Variants in PPP1R16B observed in about 807,000 individuals in gnomAD.
The protein encoded by PPP1R16B is protein phosphatase 1 regulatory subunit 16B.
PPP1R16B carries 14 observed loss-of-function variants against 61.7 expected under a neutral mutation model. That is an observed-to-expected ratio of 0.23 (90% CI 0.15 to 0.35). PPP1R16B has a LOEUF of 0.35. Among genes scored for constraint, PPP1R16B ranks in the 10% least tolerant of loss-of-function variants. The pLI is 1.00. For synonymous variants in PPP1R16B, 266 were observed against 305.3 expected (o/e 0.87, Z 1.34); for missense variants, 547 against 752.5 (o/e 0.73, Z 3.19).
chr20:38,861,740 A>C (rs1320871387), intron 2 of PPP1R16B, among the ~76,000 whole-genome samples: 1 of 145,018 alleles, frequency 6.9e-6, no homozygotes. Flanking sequence ...GCAGTGGTGC[A>C]ATCTTGGCTC....
chr20:38,884,966 G>T (rs536492062), intron 2 of PPP1R16B, among the ~76,000 whole-genome samples: 42 of 147,082 alleles, frequency 2.9e-4, no homozygotes, highest in Admixed American at 1.2e-3. Context: ...AGGTACTTGG[G>T]AGGCTGAGGC....
At chr20:38,830,056 G>C (rs1601240938) in intron 1 of PPP1R16B, among the ~76,000 whole-genome samples, 1 of 152,224 alleles carries the variant, frequency 6.6e-6, no homozygotes, top group East Asian at 1.9e-4. Flanking sequence ...GAGTAGGGAG[G>C]ACACTGCAGT....
At position 38,907,699 on chromosome 20, in the gene PPP1R16B, C is replaced by T; in HGVS notation, c.899-107C>T. ...GCCTCCCTGCATGCCCTGAAAGATG[C>T]TTGGAGTTTTCAGTGGGTTGGGGTG... On this transcript the variant is annotated intron_variant, in intron 8 of 10. Coordinates refer to ENST00000299824, the MANE Select transcript of PPP1R16B (RefSeq NM_015568.4). This position sits in a 1 kb window ranked among gnomAD's most constrained non-coding sequence, Gnocchi z 4.5. 7.0e-7 allele frequency: 1 copy of T among 1,426,198 alleles called. No homozygotes were observed. Among genetic ancestry groups the T allele is most frequent in the East Asian group, 2.3e-5 (1 of 43,572 alleles). 88.3% of individuals were successfully genotyped at this position (1,426,198 alleles called of 1,614,324 possible). A position where few individuals can be genotyped will look rare whatever the true frequency, so the allele number is the denominator to read the frequency against.
intron 6 of PPP1R16B, among the ~76,000 whole-genome samples, chr20:38,903,478 A>G (rs1168638040): frequency 1.3e-5 from 2 of 151,870 alleles, no homozygotes; most frequent in East Asian, 3.9e-4. Context: ...GGGTTCCCTG[A>G]CTTCAGAGTC....
At chr20:38,832,608 T>C (rs1043582086) in intron 1 of PPP1R16B, among the ~76,000 whole-genome samples, 8 of 152,178 alleles carry the variant, frequency 5.3e-5, no homozygotes, top group Non-Finnish European at 8.8e-5. Flanking sequence ...GGAGAACAGT[T>C]GGGCAGTTTT....
intron 1 of PPP1R16B, among the ~76,000 whole-genome samples, chr20:38,815,419 T>G (rs1171423277): frequency 6.6e-6 from 1 of 152,244 alleles, no homozygotes; most frequent in Non-Finnish European, 1.5e-5. Flanking sequence ...TTCTTGATGA[T>G]GGCTAAGATA....
At chr20:38,852,046 G>C (rs772999554) in intron 2 of PPP1R16B, among the ~76,000 whole-genome samples, 13 of 148,966 alleles carry the variant, frequency 8.7e-5, no homozygotes, top group Non-Finnish European at 1.6e-4. Flanking sequence ...CGGGGACGGC[G>C]GGGGGGGAAG....
rs897824593 is a variant in PPP1R16B at position 38,865,459 on chromosome 20, T to A, written c.251-24136T>A. 1.3e-4 allele frequency among the ~76,000 whole-genome samples: 20 copies of A among 152,104 alleles called. No individual in the cohort carries two copies. The East Asian group carries it at 3.9e-3, about 30-fold the overall frequency. ...TGCCCGCCACCACGGCCGGCTAATT[T>A]TTTTGTATTTTTAGTAGAAATGGGG... On this transcript the variant is annotated intron_variant, in intron 2 of 10. Transcript: ENST00000299824.
In PPP1R16B at chr20:38,907,764, T is replaced by C. The variant is rs1279469929; in HGVS notation, c.899-42T>C. 1 of 1,610,582 alleles carries C rather than the reference T, an allele frequency of 6.2e-7. No individual in the cohort carries two copies. Among genetic ancestry groups the C allele is most frequent in the Admixed American group, 1.7e-5 (1 of 59,924 alleles). On this transcript the variant is annotated intron_variant, in intron 8 of 10. Coordinates refer to ENST00000299824, the MANE Select transcript of PPP1R16B (RefSeq NM_015568.4). The surrounding 1 kb of genome is among the most constrained non-coding windows in gnomAD (Gnocchi z 4.5). Reference sequence around the variant, plus strand: ...CTGGAGCACCCTCTTGCGCCACAGGTCCTGGCCCCGTCCCCCACAACAGAC... The same window carrying C: ...CTGGAGCACCCTCTTGCGCCACAGGCCCTGGCCCCGTCCCCCACAACAGAC...
intron 1 of PPP1R16B, among the ~76,000 whole-genome samples, chr20:38,813,650 G>A (rs1036472324): frequency 2.6e-5 from 4 of 151,886 alleles, no homozygotes; most frequent in Non-Finnish European, 5.9e-5. Flanking sequence ...TAGAGGGACG[G>A]GCACCTTTTT....
At position 38,921,113 on chromosome 20, in the gene PPP1R16B, G is replaced by A. The variant is rs1199141653; in HGVS notation, c.*2447G>A. Reference sequence around the variant, plus strand: ...CTATTCCTCTCCACCCAGAAGGCTGGGAATCCCAGCTGATTCCCTGACAGG... The same window carrying A: ...CTATTCCTCTCCACCCAGAAGGCTGAGAATCCCAGCTGATTCCCTGACAGG... On this transcript the variant is annotated 3_prime_UTR_variant, in exon 11 of 11. Coordinates refer to ENST00000299824, the MANE Select transcript of PPP1R16B (RefSeq NM_015568.4). The A allele has an allele frequency of 6.6e-6, 1 of 152,190 alleles. No homozygotes were observed. Among genetic ancestry groups the A allele is most frequent in the African/African-American group, 2.4e-5 (1 of 41,436 alleles). 9.4% of individuals were successfully genotyped at this position (152,190 alleles called of 1,614,324 possible). A position where few individuals can be genotyped will look rare whatever the true frequency, so the allele number is the denominator to read the frequency against.
chr20:38,883,120 C>A (rs553023575), intron 2 of PPP1R16B, among the ~76,000 whole-genome samples: 1 of 152,288 alleles, frequency 6.6e-6, no homozygotes, highest in East Asian at 1.9e-4. Flanking sequence ...GTGAGTGAAC[C>A]TGACCCTGCA....
intron 2 of PPP1R16B, among the ~76,000 whole-genome samples, chr20:38,868,881 A>G (rs1261525270): frequency 1.3e-5 from 2 of 152,234 alleles, no homozygotes; most frequent in Non-Finnish European, 1.5e-5. Context: ...TATTTTGGAC[A>G]TATGGATTAG....
intron 2 of PPP1R16B, among the ~76,000 whole-genome samples, chr20:38,858,312 G>A (rs548600297): frequency 2.3e-4 from 35 of 152,238 alleles, no homozygotes; most frequent in South Asian, 4.2e-4. Flanking sequence ...GTTCTCTGTG[G>A]TGCTGGAGAA....
chr20:38,849,695 A>AAAAC (rs1555803872), intron 2 of PPP1R16B, among the ~76,000 whole-genome samples: 1 of 147,362 alleles, frequency 6.8e-6, no homozygotes. Flanking sequence ...CAAAAAAAAA[A>AAAAC]CAAAAAACTG....
At chr20:38,876,537 C>T (rs75788713) in intron 2 of PPP1R16B, among the ~76,000 whole-genome samples, 1 of 56,562 alleles carries the variant, frequency 1.8e-5, no homozygotes, top group East Asian at 3.3e-4. Context: ...TTTTTTCAAC[C>T]ATTAAAAAAA....
chr20:38,895,946 TC>T (rs2085337475), intron 4 of PPP1R16B, among the ~76,000 whole-genome samples: 1 of 84,188 alleles, frequency 1.2e-5, no homozygotes. Context: ...CTTTCTTCCC[TC>T]CCTCCCTCCT....
At chr20:38,809,557 C>T (rs965438992) in intron 1 of PPP1R16B, among the ~76,000 whole-genome samples, 2 of 152,012 alleles carry the variant, frequency 1.3e-5, no homozygotes, top group Non-Finnish European at 2.9e-5. Flanking sequence ...CTCAGGCTGA[C>T]CCAGGTCTGA....
chr20:38,810,680 T>A (rs2084695095), intron 1 of PPP1R16B, among the ~76,000 whole-genome samples: 1 of 152,158 alleles, frequency 6.6e-6, no homozygotes. Flanking sequence ...ACCAAGTGCA[T>A]TTCTGGATGC....
Sources: gnomAD v4.1 joint callset for allele counts (sites outside exome capture counted in the v4.1 genomes callset) on GRCh38, gnomAD v4.1.1 for gene constraint, Gnocchi (gnomAD v3.1) non-coding constraint, MANE v1.5 for transcripts, NCBI Gene and HGNC (gene_info 2026-07-23, HGNC 2026-07-21) for gene names.